The following ACTN2 variants were observed in gnomAD, a reference collection of about 807,000 sequenced individuals.
ACTN2 encodes actinin alpha 2.
Under a neutral mutation model 113.8 loss-of-function variants are expected in ACTN2, and 39 were observed. That is an observed-to-expected ratio of 0.34 (90% CI 0.27 to 0.45). The LOEUF is 0.45. Among genes scored for constraint, ACTN2 ranks in the 20% least tolerant of loss-of-function variants. The pLI is 1.00. For synonymous variants in ACTN2, 429 were observed against 444.1 expected, an observed-to-expected ratio of 0.97 and a Z score of 0.43; for missense variants, 992 against 1,177.9, an observed-to-expected ratio of 0.84 and a Z score of 2.31.
chr1:236,753,149 C>T (rs943885898), intron 15 of ACTN2, among the ~76,000 whole-genome samples: 2 of 152,192 alleles, frequency 1.3e-5, no homozygotes, highest in Non-Finnish European at 2.9e-5. Context: ...AGCATGGGCT[C>T]TTCACATTTT....
At position 236,763,252 on chromosome 1, in the gene ACTN2, TG is replaced by T. The variant is rs1341161443; in HGVS notation, c.*635del. On this transcript the variant is annotated 3_prime_UTR_variant, in exon 21 of 21. Transcript: ENST00000366578. ...ATGTCATCTCTTCATTATTTAGGGC[TG>T]GATGGTCAACTCAGTCAGTGATTTT... 1.3e-5 allele frequency: 2 copies of T among 156,504 alleles called. No individual in the cohort carries two copies. The highest frequency in any genetic ancestry group is 1.2e-4 in the Admixed American group (2 of 16,010). The allele number at this position is 156,504 out of a possible 1,614,324, so 9.7% of individuals were successfully genotyped here. A position where few individuals can be genotyped will look rare whatever the true frequency, so the allele number is the denominator to read the frequency against.
chr1:236,741,867 G>C (rs1659077924), intron 10 of ACTN2, among the ~76,000 whole-genome samples: 1 of 152,180 alleles, frequency 6.6e-6, no homozygotes, highest in African/African-American at 2.4e-5. Context: ...AGTATTGAGA[G>C]TAAAATCCAT....
intron 20 of ACTN2, among the ~76,000 whole-genome samples, chr1:236,761,432 C>CAT (rs113972650): frequency 0.014 from 2,055 of 150,540 alleles, 45 homozygotes; most frequent in African/African-American, 0.046. Flanking sequence ...TTTGTACTTG[C>CAT]GTGTGTGTGT....
chr1:236,762,707 T>C lies in ACTN2; in HGVS notation c.*88T>C, dbSNP rs1215469300. ...TTCCTGGAAACTTTGACAAGCTTTATTAAGTTGAGAGAGAGAGAGGGGAAA... is the reference window on the plus strand; with the variant it reads ...TTCCTGGAAACTTTGACAAGCTTTACTAAGTTGAGAGAGAGAGAGGGGAAA... On this transcript the variant is annotated 3_prime_UTR_variant, in exon 21 of 21. Transcript: ENST00000366578. The C allele has an allele frequency of 6.6e-7, 1 of 1,507,672 alleles. No individual in the cohort carries two copies. The highest frequency in any genetic ancestry group is 1.9e-5 in the Admixed American group (1 of 51,806). 93.4% of individuals were successfully genotyped at this position (1,507,672 alleles called of 1,614,324 possible). A position where few individuals can be genotyped will look rare whatever the true frequency, so the allele number is the denominator to read the frequency against.
Position 236,727,667 on chromosome 1 carries a change from C to G in ACTN2, c.537-11C>G. 1 of 1,614,066 alleles carries G rather than the reference C, an allele frequency of 6.2e-7. No homozygotes were observed. Among genetic ancestry groups the G allele is most frequent in the Non-Finnish European group, 8.5e-7 (1 of 1,179,916 alleles). On this transcript the variant is annotated splice_polypyrimidine_tract_variant and intron_variant, in intron 5 of 20. Coordinates refer to ENST00000366578, the MANE Select transcript of ACTN2 (RefSeq NM_001103.4). Reference sequence around the variant, plus strand: ...TAACACGTGTTCCTGTTCTTCTCGACGGCTGTGAAGCTGGAAAGATGGCCT... The same window carrying G: ...TAACACGTGTTCCTGTTCTTCTCGAGGGCTGTGAAGCTGGAAAGATGGCCT...
chr1:236,689,758 G>T (rs1182091583), intron 1 of ACTN2, among the ~76,000 whole-genome samples: 1 of 152,170 alleles, frequency 6.6e-6, no homozygotes, highest in Non-Finnish European at 1.5e-5. Flanking sequence ...TAAGTAAATT[G>T]GGACCTCTTC....
intron 1 of ACTN2, among the ~76,000 whole-genome samples, chr1:236,705,540 T>A (rs1163195650): frequency 6.6e-6 from 1 of 152,156 alleles, no homozygotes; most frequent in East Asian, 1.9e-4. Flanking sequence ...GTCCCTCTAC[T>A]TTGATTTATT....
At chr1:236,694,631 T>C (rs1657418972) in intron 1 of ACTN2, among the ~76,000 whole-genome samples, 1 of 152,238 alleles carries the variant, frequency 6.6e-6, no homozygotes, top group Non-Finnish European at 1.5e-5. Context: ...AACATCTTTT[T>C]TGGCAGTCTT....
intron 1 of ACTN2, among the ~76,000 whole-genome samples, chr1:236,704,184 T>C (rs1370792552): frequency 6.6e-6 from 1 of 152,216 alleles, no homozygotes; most frequent in Non-Finnish European, 1.5e-5. Context: ...GATCAACATA[T>C]GATGGACTTC....
intron 1 of ACTN2, among the ~76,000 whole-genome samples, chr1:236,713,067 A>T (rs965443360): frequency 6.6e-6 from 1 of 151,944 alleles, no homozygotes; most frequent in East Asian, 1.9e-4. Context: ...TTTTACTGTA[A>T]TAACTTAATT....
At position 236,718,985 on chromosome 1, in the gene ACTN2, G is replaced by A; in HGVS notation, c.333G>A (p.Gly111=). 6.2e-7 allele frequency: 1 copy of A among 1,614,148 alleles called. No individual in the cohort carries two copies. The highest frequency in any genetic ancestry group is 1.3e-5 in the African/African-American group (1 of 75,032). The change falls in exon 3 of 21, where the codon GGG becomes GGA. Residue 111 remains glycine (G), a synonymous_variant. Coordinates refer to ENST00000366578, the MANE Select transcript of ACTN2 (RefSeq NM_001103.4). Reference sequence around the variant, plus strand: ...CTTTGGATTACATAGCCAGCAAAGGGGTGAAACTGGTGTCCATTGGCGCTG... The same window carrying A: ...CTTTGGATTACATAGCCAGCAAAGGAGTGAAACTGGTGTCCATTGGCGCTG... ...NKALDYIASK[G]VKLVSIGAEE... is the part of the protein sequence containing the mutation.
chr1:236,720,188 G>A lies in ACTN2; in HGVS notation c.445G>A (p.Glu149Lys). 6.2e-7 allele frequency: 1 copy of A among 1,609,308 alleles called. No individual in the cohort carries two copies. Among genetic ancestry groups the A allele is most frequent in the Non-Finnish European group, 8.5e-7 (1 of 1,175,562 alleles). ...LRFAIQDISV[E>K]ETSAKEGLLL... ...CTTTGCTATTCAGGATATTTCGGTT[G>A]AAGGTAAAAGACATGGTTAAAAGTC... The change falls in exon 4 of 21, where the codon GAA (glutamate) becomes AAA (lysine). Residue 149 changes from glutamate to lysine, a missense_variant. Coordinates refer to ENST00000366578, the MANE Select transcript of ACTN2 (RefSeq NM_001103.4).
chr1:236,710,168 C>T (rs1411661067), intron 1 of ACTN2, among the ~76,000 whole-genome samples: 1 of 152,234 alleles, frequency 6.6e-6, no homozygotes, highest in Non-Finnish European at 1.5e-5. Flanking sequence ...AAATTGTGCA[C>T]ATGCGTAGTC....
intron 12 of ACTN2, 150 bp downstream of exon 12, chr1:236,744,926 A>T: frequency 1.8e-6 from 2 of 1,099,676 alleles, no homozygotes; most frequent in Non-Finnish European, 1.3e-6. Flanking sequence ...CTTTAAATGT[A>T]GAAACAGATT....
intron 1 of ACTN2, among the ~76,000 whole-genome samples, chr1:236,692,731 G>T (rs775498781): frequency 6.6e-6 from 1 of 152,194 alleles, no homozygotes; most frequent in Non-Finnish European, 1.5e-5. Flanking sequence ...GATGTGTCCC[G>T]GGGTTGCCCT....
chr1:236,728,915 A>G (rs373208061), intron 6 of ACTN2, among the ~76,000 whole-genome samples: 3 of 151,866 alleles, frequency 2.0e-5, no homozygotes, highest in African/African-American at 7.3e-5. Context: ...CGTAGTTACA[A>G]TGTAACCTAT....
chr1:236,727,990 C>T (rs1658603655), intron 6 of ACTN2, among the ~76,000 whole-genome samples: 1 of 152,172 alleles, frequency 6.6e-6, no homozygotes, highest in South Asian at 2.1e-4. Flanking sequence ...TAAGTCATCC[C>T]TTTTTGCCCA....
At chr1:236,690,867 C>T (rs2102856861) in intron 1 of ACTN2, among the ~76,000 whole-genome samples, 1 of 151,948 alleles carries the variant, frequency 6.6e-6, no homozygotes, top group South Asian at 2.1e-4. Flanking sequence ...CAGAACTTTT[C>T]TATCATCTCA....
chr1:236,696,815 G>A (rs769688216), intron 1 of ACTN2, among the ~76,000 whole-genome samples: 3 of 152,028 alleles, frequency 2.0e-5, no homozygotes, highest in African/African-American at 4.8e-5. Flanking sequence ...ACAGGCGTGC[G>A]CCACCACGCC....
Sources: gnomAD v4.1 joint callset for allele counts (sites outside exome capture counted in the v4.1 genomes callset) on GRCh38, gnomAD v4.1.1 for gene constraint, MANE v1.5 for transcripts, NCBI Gene and HGNC (gene_info 2026-07-23, HGNC 2026-07-21) for gene names.